The following CACNA2D3 variants were observed in gnomAD, a reference collection of about 807,000 sequenced individuals.
CACNA2D3 encodes the protein calcium voltage-gated channel auxiliary subunit alpha2delta 3, also known as voltage-dependent calcium channel subunit alpha-2/delta-3.
CACNA2D3 carries 60 observed loss-of-function variants against 160.6 expected under a neutral mutation model. The ratio of observed to expected loss-of-function variants is 0.37; its 90% CI spans 0.30 to 0.46. The LOEUF (loss-of-function observed/expected upper bound fraction) is 0.46. Among genes scored for constraint, CACNA2D3 ranks in the 20% least tolerant of loss-of-function variants. The probability of loss-of-function intolerance (pLI) is 1.00; values close to 1 mark genes in which losing one functional copy is unlikely to be tolerated. For missense variants in CACNA2D3, 1,205 were observed against 1,365.0 expected, an observed-to-expected ratio of 0.88 and a Z score of 1.85; for synonymous variants, 558 against 492.9, an observed-to-expected ratio of 1.13 and a Z score of -1.75.
At position 54,352,997 on chromosome 3, in the gene CACNA2D3, T is replaced by A. The variant is rs116299473; in HGVS notation, c.321+32439T>A. Among the ~76,000 whole-genome samples the A allele has an allele frequency of 5.4e-3, 830 of 152,360 alleles. 9 individuals are homozygous for A. The highest frequency in any genetic ancestry group is 0.019 in the African/African-American group (781 of 41,586). ...TCCATCCCTGCAAGCATTTATCCAT[T>A]GAGTTGCAGACAATTCATTTACACT... On this transcript the variant is annotated intron_variant, in intron 3 of 37. Transcript: ENST00000474759.
intron 2 of CACNA2D3, among the ~76,000 whole-genome samples, chr3:54,217,689 G>A (rs1241950228): frequency 6.6e-6 from 1 of 152,292 alleles, no homozygotes; most frequent in Non-Finnish European, 1.5e-5. Flanking sequence ...GAAGGGGTGA[G>A]GAATGGATGC....
At chr3:54,358,131 G>A (rs1300797336) in intron 3 of CACNA2D3, among the ~76,000 whole-genome samples, 1 of 152,162 alleles carries the variant, frequency 6.6e-6, no homozygotes, top group Non-Finnish European at 1.5e-5. Context: ...GGGAAATTGT[G>A]TGTGTGAGGT....
At chr3:54,598,341 GAAAAAAA>G (rs796965866) in intron 9 of CACNA2D3, among the ~76,000 whole-genome samples, 25 of 131,106 alleles carry the variant, frequency 1.9e-4, no homozygotes, top group East Asian at 8.9e-4. Context: ...AAGAAGAAAG[GAAAAAAA>G]AGAAAAAAGA....
intron 2 of CACNA2D3, among the ~76,000 whole-genome samples, chr3:54,264,064 G>C (rs1485581812): frequency 6.6e-6 from 1 of 152,152 alleles, no homozygotes; most frequent in Non-Finnish European, 1.5e-5. Context: ...TGTCTTGAAT[G>C]CCAGTGTTTT....
intron 2 of CACNA2D3, among the ~76,000 whole-genome samples, chr3:54,241,721 A>G (rs1701976668): frequency 6.6e-6 from 1 of 152,210 alleles, no homozygotes; most frequent in African/African-American, 2.4e-5. Flanking sequence ...TTGCCAGTGT[A>G]GGATAGGGAT....
chr3:54,983,805 T>C (rs1027523652), intron 29 of CACNA2D3, among the ~76,000 whole-genome samples: 1 of 152,226 alleles, frequency 6.6e-6, no homozygotes, highest in South Asian at 2.1e-4. Flanking sequence ...GCAGTTGGTA[T>C]GTAAAGCTGT....
Position 54,963,321 on chromosome 3 carries a change from A to C in CACNA2D3, c.2450-5129A>C, listed in dbSNP as rs116204254. Among the ~76,000 whole-genome samples, 699 of 152,136 alleles carry C rather than the reference A, an allele frequency of 4.6e-3. 5 individuals carry two copies. The highest frequency in any genetic ancestry group is 0.016 in the African/African-American group (644 of 41,520). ...TGGAGAATTGTACCTTCCATCCTTA[A>C]GGAGTGCTAGGGTCCATTTCTTTTC... On this transcript the variant is annotated intron_variant, in intron 27 of 37. Transcript: ENST00000474759.
rs114893535 is a variant in CACNA2D3 at position 54,194,666 on chromosome 3, T to C, written c.204+71072T>C. Among the ~76,000 whole-genome samples the C allele has an allele frequency of 6.4e-3, 981 of 152,330 alleles. 13 individuals carry two copies. Among genetic ancestry groups the C allele is most frequent in the African/African-American group, 0.023 (948 of 41,586 alleles). On this transcript the variant is annotated intron_variant, in intron 2 of 37. Coordinates refer to ENST00000474759, the MANE Select transcript of CACNA2D3 (RefSeq NM_018398.3). ...GTTCTAGAGGCTGGGAAGTCCAAGA[T>C]TAAGGCACTGGCAGGTTTGGTTTCA...
intron 27 of CACNA2D3, among the ~76,000 whole-genome samples, chr3:54,966,495 G>A (rs936678463): frequency 2.0e-5 from 3 of 152,120 alleles, no homozygotes; most frequent in African/African-American, 7.2e-5. Context: ...CCCCACCTTG[G>A]CTGTGCGTGA....
chr3:54,950,546 T>C (rs906452615), intron 27 of CACNA2D3, among the ~76,000 whole-genome samples: 6 of 152,222 alleles, frequency 3.9e-5, no homozygotes, highest in African/African-American at 7.2e-5. Context: ...TGCTTCCTCC[T>C]GTTTCCCAGC....
chr3:54,432,423 G>T (rs563704359), intron 4 of CACNA2D3, among the ~76,000 whole-genome samples: 11 of 152,250 alleles, frequency 7.2e-5, no homozygotes, highest in South Asian at 6.2e-4. Flanking sequence ...TTTCTGTAAT[G>T]AGGTGAATTC....
chr3:54,540,664 G>A (rs1367646792), intron 5 of CACNA2D3, among the ~76,000 whole-genome samples: 1 of 152,124 alleles, frequency 6.6e-6, no homozygotes, highest in Non-Finnish European at 1.5e-5. Context: ...TGTGTCCTCA[G>A]ATGGCAGTAA....
At chr3:54,581,328 C>A (rs1050688887) in intron 8 of CACNA2D3, among the ~76,000 whole-genome samples, 1 of 152,148 alleles carries the variant, frequency 6.6e-6, no homozygotes, top group African/African-American at 2.4e-5. Context: ...CACCCACATA[C>A]CCTTGCAGAG....
intron 3 of CACNA2D3, among the ~76,000 whole-genome samples, chr3:54,333,131 G>C (rs548343355): frequency 1.3e-5 from 2 of 152,100 alleles, no homozygotes; most frequent in East Asian, 1.9e-4. Flanking sequence ...GCAAGACAAG[G>C]GGTTTTTTTT....
At chr3:54,378,858 T>C (rs186793286) in intron 3 of CACNA2D3, among the ~76,000 whole-genome samples, 103 of 152,358 alleles carry the variant, frequency 6.8e-4, no homozygotes, top group African/African-American at 2.3e-3. Flanking sequence ...TGTTGCACTT[T>C]GGCAAATGCA....
chr3:54,374,451 A>G (rs1352462535), intron 3 of CACNA2D3, among the ~76,000 whole-genome samples: 1 of 152,242 alleles, frequency 6.6e-6, no homozygotes, highest in Non-Finnish European at 1.5e-5. Context: ...TAGAAGACAC[A>G]GCTTAGATGG....
At chr3:54,864,226 C>A (rs1325186187) in intron 17 of CACNA2D3, among the ~76,000 whole-genome samples, 1 of 151,874 alleles carries the variant, frequency 6.6e-6, no homozygotes, top group Non-Finnish European at 1.5e-5. Flanking sequence ...AGTTGGGCAT[C>A]AGCATATTGC....
chr3:55,008,700 G>A (rs554091388), intron 33 of CACNA2D3, among the ~76,000 whole-genome samples: 2 of 152,264 alleles, frequency 1.3e-5, no homozygotes, highest in South Asian at 4.1e-4. Flanking sequence ...TTTTGATTGA[G>A]AGAGAGCTGC....
intron 13 of CACNA2D3, among the ~76,000 whole-genome samples, chr3:54,766,982 C>G (rs1052976524): frequency 3.3e-5 from 5 of 149,776 alleles, no homozygotes; most frequent in Non-Finnish European, 3.0e-5. Context: ...AAACCAGAAA[C>G]CAACAGAACT....
Sources: gnomAD v4.1 joint callset for allele counts (sites outside exome capture counted in the v4.1 genomes callset) on GRCh38, gnomAD v4.1.1 for gene constraint, MANE v1.5 for transcripts, NCBI Gene and HGNC (gene_info 2026-07-23, HGNC 2026-07-21) for gene names.